The following ANKRD36C variants were observed in gnomAD, a reference collection of about 807,000 sequenced individuals.
ANKRD36C encodes the protein ankyrin repeat domain-containing protein 36C.
In ANKRD36C, 61 loss-of-function variants were observed where a neutral mutation model predicts 276.4. That is an observed-to-expected ratio of 0.22 (90% CI 0.18 to 0.27). ANKRD36C has a LOEUF of 0.27. Among genes scored for constraint, ANKRD36C ranks in the 10% least tolerant of loss-of-function variants. The probability of loss-of-function intolerance (pLI) is 1.00; values close to 1 mark genes in which losing one functional copy is unlikely to be tolerated. For missense variants in ANKRD36C, 1,447 were observed against 2,032.3 expected, an observed-to-expected ratio of 0.71 and a Z score of 5.54; for synonymous variants, 483 against 680.1, an observed-to-expected ratio of 0.71 and a Z score of 4.51.
chr2:95,877,734 TTAGA>T (rs1675987463), intron 58 of ANKRD36C, among the ~76,000 whole-genome samples: 1 of 110,596 alleles, frequency 9.0e-6, no homozygotes, highest in Non-Finnish European at 1.8e-5. Context: ...ATTAATCAGC[TTAGA>T]TAGACAGTTG....
chr2:95,879,546 T>G (rs1373883845), intron 58 of ANKRD36C, among the ~76,000 whole-genome samples: 2 of 152,016 alleles, frequency 1.3e-5, no homozygotes, highest in Non-Finnish European at 2.9e-5. Flanking sequence ...TGTATCAAAC[T>G]ATCTCATCTA....
intron 42 of ANKRD36C, among the ~76,000 whole-genome samples, chr2:95,911,355 A>G (rs1046147177): frequency 6.6e-6 from 1 of 151,500 alleles, no homozygotes; most frequent in Non-Finnish European, 1.5e-5. Flanking sequence ...TCATTCCAGT[A>G]TTCATTGAAA....
chr2:95,988,311 A>C (rs2104547305), intron 1 of ANKRD36C, among the ~76,000 whole-genome samples: 1 of 152,238 alleles, frequency 6.6e-6, no homozygotes, highest in East Asian at 1.9e-4. Context: ...GCAATGATTA[A>C]TAGTAGTATT....
In ANKRD36C at chr2:95,912,413, G is replaced by A. The variant is rs761715441; in HGVS notation, c.2574C>T (p.Ala858=). The A allele has an allele frequency of 9.3e-6, 15 of 1,604,442 alleles. No individual in the cohort carries two copies. In the South Asian group the frequency reaches 1.2e-4, roughly 13 times the overall value. Residue 858 remains alanine (A), a synonymous_variant, in exon 41 of 67, where the codon GCC becomes GCT. Coordinates refer to ENST00000456556, the Ensembl canonical transcript of ANKRD36C. Reference sequence around the variant, plus strand: ...TGAATGAGAGTTTCATTACCTTCAAGGCTGGTTTTTTCCGAGAAGACACTG... The same window carrying A: ...TGAATGAGAGTTTCATTACCTTCAAAGCTGGTTTTTTCCGAGAAGACACTG...
intron 52 of ANKRD36C, among the ~76,000 whole-genome samples, chr2:95,884,818 G>A (rs1389945585): frequency 1.4e-5 from 2 of 144,502 alleles, no homozygotes; most frequent in Non-Finnish European, 2.9e-5. Flanking sequence ...CGATAACAGA[G>A]AAGGTACACA....
intron 60 of ANKRD36C, 54 bp from the exon 81 acceptor site, chr2:95,860,128 T>C: frequency 8.5e-7 from 1 of 1,175,764 alleles, no homozygotes; most frequent in Non-Finnish European, 1.2e-6. Flanking sequence ...GATTTTTGGA[T>C]ATAAAGGACT....
Position 95,878,546 on chromosome 2 carries a change from G to A in ANKRD36C, c.3469+1881C>T, listed in dbSNP as rs184092223. On this transcript the variant is annotated intron_variant, in intron 58 of 66. Coordinates refer to ENST00000456556, the Ensembl canonical transcript of ANKRD36C. ...ATAAATTATTCCCACCACAAATAAA[G>A]AGGAAAGCCTCTTAATTTAGCAGTA... 6.8e-3 allele frequency among the ~76,000 whole-genome samples: 1,033 copies of A among 152,190 alleles called. 11 individuals carry two copies. Among genetic ancestry groups the A allele is most frequent in the Non-Finnish European group, 0.012 (814 of 68,000 alleles).
intron 59 of ANKRD36C, among the ~76,000 whole-genome samples, chr2:95,875,059 G>C (rs1675912111): frequency 6.6e-6 from 1 of 152,174 alleles, no homozygotes; most frequent in African/African-American, 2.4e-5. Context: ...TGGAGAAATA[G>C]CAACACTTTT....
chr2:95,986,742 G>A lies in ANKRD36C; in HGVS notation c.486+9C>T. The A allele has an allele frequency of 6.2e-7, 1 of 1,603,070 alleles. No individual in the cohort carries two copies. Among genetic ancestry groups the A allele is most frequent in the Non-Finnish European group, 8.5e-7 (1 of 1,174,496 alleles). ...AGATAGTTTGAAAATAACATTGGTT[G>A]ACCTATACCTCGCTGCATTCTTCAA... On this transcript the variant is annotated intron_variant, in intron 3 of 66. Coordinates refer to ENST00000456556, the Ensembl canonical transcript of ANKRD36C.
chr2:95,925,212 C>A, intron 30 of ANKRD36C, 140 bp downstream of exon 30: 1 of 1,385,876 alleles, frequency 7.2e-7, no homozygotes, highest in Non-Finnish European at 9.8e-7. Flanking sequence ...CACCACCTGA[C>A]AACTTACTAG....
intron 19 of ANKRD36C, among the ~76,000 whole-genome samples, 195 bp from the exon 20 acceptor site, chr2:95,941,394 G>C (rs1254960458): frequency 6.6e-6 from 1 of 152,258 alleles, no homozygotes; most frequent in Admixed American, 6.5e-5. Context: ...AAAGCAGAAA[G>C]ACACAATTCA....
At chr2:95,888,433 G>C (rs773938617) in intron 48 of ANKRD36C, among the ~76,000 whole-genome samples, 1 of 151,696 alleles carries the variant, frequency 6.6e-6, no homozygotes, top group Non-Finnish European at 1.5e-5. Context: ...AATCAGAGGA[G>C]CAACTCATAC....
chr2:95,962,974 T>C lies in ANKRD36C; in HGVS notation c.800-427A>G, dbSNP rs372688082. ...ACCATTATACTACAACCATTCATCATGCTCTTTAACTTGCCTGATAACTGA... is the reference window on the plus strand; with the variant it reads ...ACCATTATACTACAACCATTCATCACGCTCTTTAACTTGCCTGATAACTGA... On this transcript the variant is annotated intron_variant, in intron 6 of 66. Coordinates refer to ENST00000456556, the Ensembl canonical transcript of ANKRD36C. Among the ~76,000 whole-genome samples, 62 of 152,212 alleles carry C rather than the reference T, an allele frequency of 4.1e-4. 1 individual carries two copies. In the East Asian group the frequency reaches 0.01, roughly 25 times the overall value.
chr2:95,914,920 A>G (rs1677048009), intron 38 of ANKRD36C, among the ~76,000 whole-genome samples: 1 of 151,462 alleles, frequency 6.6e-6, no homozygotes. Context: ...AGTTTCTTTC[A>G]TCCACTAGTT....
intron 34 of ANKRD36C, 138 bp from the exon 37 acceptor site, chr2:95,918,180 G>C (rs1677160419): frequency 7.2e-7 from 1 of 1,397,198 alleles, no homozygotes; most frequent in African/African-American, 1.4e-5. Flanking sequence ...TTTGTGTCTT[G>C]GGACTGGAAC....
intron 59 of ANKRD36C, among the ~76,000 whole-genome samples, chr2:95,871,843 CA>C (rs1412086219): frequency 6.8e-6 from 1 of 147,930 alleles, no homozygotes; most frequent in South Asian, 2.2e-4. Context: ...AAATGGAAAA[CA>C]AAAAAAGGCA....
chr2:95,980,829 A>G, intron 4 of ANKRD36C, 44 bp from the exon 5 acceptor site: 1 of 1,545,488 alleles, frequency 6.5e-7, no homozygotes, highest in Non-Finnish European at 8.7e-7. Context: ...TGACATTTTA[A>G]AAGCTTAGTT....
At chr2:95,984,708 C>T (rs573675784) in intron 3 of ANKRD36C, among the ~76,000 whole-genome samples, 1 of 151,824 alleles carries the variant, frequency 6.6e-6, no homozygotes, top group Non-Finnish European at 1.5e-5. Context: ...AGATTGTTCA[C>T]CAAATGGATA....
rs1160464450 is a variant in ANKRD36C at position 95,944,610 on chromosome 2, A to G, written c.1491+17T>C. On this transcript the variant is annotated intron_variant, in intron 19 of 66. Coordinates refer to ENST00000456556, the Ensembl canonical transcript of ANKRD36C. ...TCTGATTATTCTATGTTGGCTTTTAACCACATCTTCATTTACCTTATCAAC... is the reference window on the plus strand; with the variant it reads ...TCTGATTATTCTATGTTGGCTTTTAGCCACATCTTCATTTACCTTATCAAC... The G allele has an allele frequency of 2.6e-6, 4 of 1,536,742 alleles. No individual in the cohort carries two copies. In the East Asian group the frequency reaches 7.3e-5, roughly 28 times the overall value.
Sources: allele counts gnomAD v4.1 joint callset (sites outside exome capture counted in the v4.1 genomes callset), GRCh38; gene constraint gnomAD v4.1.1; transcripts MANE v1.5; gene names NCBI Gene and HGNC (gene_info 2026-07-23, HGNC 2026-07-21).